The following BRINP3 variants were observed in gnomAD, a reference collection of about 807,000 sequenced individuals.
The protein encoded by BRINP3 is BMP/retinoic acid inducible neural specific 3, also known as BMP/retinoic acid-inducible neural-specific protein 3.
Under a neutral mutation model 71.0 loss-of-function variants are expected in BRINP3, and 19 were observed. That is an observed-to-expected ratio of 0.27 (90% confidence interval 0.19 to 0.39). The LOEUF (loss-of-function observed/expected upper bound fraction) is 0.39, where lower values mean the gene tolerates loss of function less well. Ranked by LOEUF, BRINP3 falls within the 10% of genes least tolerant of loss-of-function variation. BRINP3 has a pLI of 1.00. For missense variants in BRINP3, 959 were observed against 940.8 expected, an observed-to-expected ratio of 1.02 and a Z score of -0.25; for synonymous variants, 380 against 337.7, an observed-to-expected ratio of 1.13 and a Z score of -1.37.
At chr1:190,257,079 T>A (rs566240527) in intron 4 of BRINP3, among the ~76,000 whole-genome samples, 44 of 152,306 alleles carry the variant, frequency 2.9e-4, no homozygotes, top group African/African-American at 1.0e-3. Context: ...TCCTGAAGAG[T>A]GTTTTCCAAC....
At chr1:190,375,395 A>C (rs1670120102) in intron 2 of BRINP3, among the ~76,000 whole-genome samples, 1 of 151,970 alleles carries the variant, frequency 6.6e-6, no homozygotes, top group African/African-American at 2.4e-5. Context: ...ACTATGCTTC[A>C]AAATGTAAAA....
chr1:190,145,834 TACATATATACAC>T (rs1326224561), intron 7 of BRINP3, among the ~76,000 whole-genome samples: 1 of 152,138 alleles, frequency 6.6e-6, no homozygotes, highest in Non-Finnish European at 1.5e-5. Flanking sequence ...TTCACATACA[TACATATATACAC>T]ACATACCATG....
chr1:190,115,643 C>T (rs1221862962), intron 7 of BRINP3, among the ~76,000 whole-genome samples: 6 of 152,048 alleles, frequency 3.9e-5, no homozygotes, highest in African/African-American at 7.2e-5. Flanking sequence ...AGGAACATCC[C>T]GACTCTCTGC....
chr1:190,429,034 G>A (rs940437080), intron 2 of BRINP3, among the ~76,000 whole-genome samples: 1 of 151,988 alleles, frequency 6.6e-6, no homozygotes, highest in Non-Finnish European at 1.5e-5. Flanking sequence ...CTATAAATCA[G>A]ATGCTGCTTT....
At chr1:190,319,497 T>C (rs1666097842) in intron 2 of BRINP3, among the ~76,000 whole-genome samples, 1 of 152,106 alleles carries the variant, frequency 6.6e-6, no homozygotes, top group Non-Finnish European at 1.5e-5. Context: ...GGGTAATTTA[T>C]ATAAAAAATA....
intron 2 of BRINP3, among the ~76,000 whole-genome samples, chr1:190,413,841 T>C (rs1672842900): frequency 6.6e-6 from 1 of 152,238 alleles, no homozygotes; most frequent in Non-Finnish European, 1.5e-5. Context: ...GTTATATTGT[T>C]AATTTTAAAA....
chr1:190,246,523 A>T (rs751545715), intron 4 of BRINP3, among the ~76,000 whole-genome samples: 21 of 152,000 alleles, frequency 1.4e-4, no homozygotes, highest in Admixed American at 4.6e-4. Flanking sequence ...AAAAAATCAG[A>T]CAGGAGAAAA....
At chr1:190,217,953 T>A (rs74131320) in intron 6 of BRINP3, among the ~76,000 whole-genome samples, 1 of 152,078 alleles carries the variant, frequency 6.6e-6, no homozygotes, top group African/African-American at 2.4e-5. Flanking sequence ...TTTAAACACA[T>A]AACATGTAGT....
intron 7 of BRINP3, among the ~76,000 whole-genome samples, chr1:190,158,462 G>C (rs943407618): frequency 2.0e-5 from 3 of 152,028 alleles, no homozygotes; most frequent in African/African-American, 7.2e-5. Context: ...GAGACTATTA[G>C]AGTGGAGAGA....
chr1:190,126,827 T>G (rs1654124021), intron 7 of BRINP3, among the ~76,000 whole-genome samples: 1 of 151,920 alleles, frequency 6.6e-6, no homozygotes, highest in South Asian at 2.1e-4. Flanking sequence ...CCTTGCAGTT[T>G]TTTTGAATGT....
At chr1:190,341,653 A>G (rs1667663357) in intron 2 of BRINP3, among the ~76,000 whole-genome samples, 1 of 151,830 alleles carries the variant, frequency 6.6e-6, no homozygotes, top group African/African-American at 2.4e-5. Flanking sequence ...GCTTTACAAG[A>G]TGACATTATT....
intron 7 of BRINP3, among the ~76,000 whole-genome samples, chr1:190,154,570 C>T (rs559289205): frequency 6.6e-6 from 1 of 152,212 alleles, no homozygotes; most frequent in South Asian, 2.1e-4. Context: ...ATTAGTGCCA[C>T]CAAACTGCTC....
chr1:190,360,396 C>T (rs1460099356), intron 2 of BRINP3, among the ~76,000 whole-genome samples: 1 of 152,120 alleles, frequency 6.6e-6, no homozygotes, highest in Non-Finnish European at 1.5e-5. Flanking sequence ...CTCTAGCTTG[C>T]TGTGGAGGCA....
intron 4 of BRINP3, among the ~76,000 whole-genome samples, chr1:190,256,346 A>G (rs532304291): frequency 1.3e-5 from 2 of 151,986 alleles, no homozygotes; most frequent in Non-Finnish European, 1.5e-5. Flanking sequence ...TGCTTGGTAG[A>G]TCTTCCTCCA....
chr1:190,329,909 G>GT (rs1666854575), intron 2 of BRINP3, among the ~76,000 whole-genome samples: 1 of 151,796 alleles, frequency 6.6e-6, no homozygotes, highest in Non-Finnish European at 1.5e-5. Flanking sequence ...TCTAATATAT[G>GT]GTGCTGGGAC....
chr1:190,402,138 A>C (rs2102362053), intron 2 of BRINP3, among the ~76,000 whole-genome samples: 1 of 152,240 alleles, frequency 6.6e-6, no homozygotes, highest in African/African-American at 2.4e-5. Context: ...CACAGAAAAC[A>C]TTGATAAAAG....
intron 2 of BRINP3, among the ~76,000 whole-genome samples, chr1:190,332,942 C>T (rs1259775788): frequency 6.6e-6 from 1 of 151,572 alleles, no homozygotes; most frequent in African/African-American, 2.4e-5. Flanking sequence ...ACCCATATAC[C>T]TATTTTTTAA....
At chr1:190,460,040 A>C (rs1273186846) in intron 1 of BRINP3, among the ~76,000 whole-genome samples, 1 of 151,896 alleles carries the variant, frequency 6.6e-6, no homozygotes, top group African/African-American at 2.4e-5. Context: ...CCATTCTCTA[A>C]ATTTCTTCTC....
At chr1:190,179,735 ATAGT>A (rs1181433524) in intron 6 of BRINP3, among the ~76,000 whole-genome samples, 4 of 152,170 alleles carry the variant, frequency 2.6e-5, no homozygotes, top group East Asian at 1.9e-4. Flanking sequence ...GCTGTGGGAA[ATAGT>A]TAGGACAATT....
Sources: allele counts gnomAD v4.1 joint callset (sites outside exome capture counted in the v4.1 genomes callset), GRCh38; gene constraint gnomAD v4.1.1; transcripts MANE v1.5; gene names NCBI Gene and HGNC (gene_info 2026-07-23, HGNC 2026-07-21).